PKHD1: variants seen among roughly 807,000 people sequenced by gnomAD.
The protein encoded by PKHD1 is fibrocystin.
A neutral mutation model predicts 412.0 loss-of-function variants in PKHD1; 291 were observed. The observed-to-expected ratio is 0.71, with a 90% CI of 0.64 to 0.78. PKHD1 has a LOEUF of 0.78. Ranked by LOEUF, PKHD1 falls within the 30% of genes least tolerant of loss-of-function variation. The pLI is 0.00. For synonymous variants in PKHD1, 1,777 were observed against 1,821.5 expected (o/e 0.98, Z 0.62); for missense variants, 4,825 against 4,950.7 (o/e 0.97, Z 0.76).
intron 53 of PKHD1, among the ~76,000 whole-genome samples, chr6:51,784,592 A>G (rs1258362360): frequency 1.6e-4 from 24 of 152,204 alleles, no homozygotes; most frequent in Admixed American, 1.6e-3. Flanking sequence ...TGTTAAAGCC[A>G]TACTCAAGAG....
rs541174264 is a variant in PKHD1 at position 51,997,132 on chromosome 6, T to A, written c.5751+13177A>T. ...TGAACTGTGCTCATGAAAGACCCTTTCATTCCCATGTGATACGAATAGGAA... is the reference window on the plus strand; with the variant it reads ...TGAACTGTGCTCATGAAAGACCCTTACATTCCCATGTGATACGAATAGGAA... On this transcript the variant is annotated intron_variant, in intron 35 of 66. Transcript: ENST00000371117. 3.3e-5 allele frequency among the ~76,000 whole-genome samples: 5 copies of A among 152,328 alleles called. No homozygotes were observed. The East Asian group carries it at 9.6e-4, about 29-fold the overall frequency.
intron 64 of PKHD1, among the ~76,000 whole-genome samples, chr6:51,636,049 T>C (rs368519905): frequency 2.0e-5 from 3 of 152,122 alleles, no homozygotes; most frequent in African/African-American, 7.2e-5. Flanking sequence ...ACTACAAACT[T>C]ACAGAAACCC....
intron 50 of PKHD1, among the ~76,000 whole-genome samples, chr6:51,837,357 C>T (rs1490283284): frequency 2.0e-5 from 3 of 152,162 alleles, no homozygotes; most frequent in Non-Finnish European, 2.9e-5. Flanking sequence ...TTTCCTGGAA[C>T]CCTAAACCCT....
intron 37 of PKHD1, among the ~76,000 whole-genome samples, chr6:51,933,829 G>A (rs1270236540): frequency 2.6e-5 from 4 of 152,164 alleles, no homozygotes; most frequent in East Asian, 1.9e-4. Flanking sequence ...CAAAGGGGCC[G>A]GGAAGTATGG....
At chr6:51,709,612 C>T (rs549877034) in intron 60 of PKHD1, among the ~76,000 whole-genome samples, 1 of 152,246 alleles carries the variant, frequency 6.6e-6, no homozygotes, top group South Asian at 2.1e-4. Context: ...ACATACTGTT[C>T]AGAATCCAGA....
Position 52,076,259 on chromosome 6 carries a change from A to T in PKHD1, c.448+17T>A. On this transcript the variant is annotated intron_variant, in intron 6 of 66. Coordinates refer to ENST00000371117, the MANE Select transcript of PKHD1 (RefSeq NM_138694.4). ...ACAGATTCACAATTATTCCTATTTT[A>T]ATAGAAGATTTCTTACCTGGAACAC... 2 of 1,568,720 alleles carry T rather than the reference A, an allele frequency of 1.3e-6. No homozygotes were observed. Among genetic ancestry groups the T allele is most frequent in the South Asian group, 2.2e-5 (2 of 90,282 alleles).
intron 63 of PKHD1, among the ~76,000 whole-genome samples, chr6:51,642,528 T>A (rs1014585091): frequency 6.6e-6 from 1 of 152,064 alleles, no homozygotes; most frequent in African/African-American, 2.4e-5. Context: ...GTATGAAGTA[T>A]GGCAAGGTAA....
At chr6:51,803,141 T>C (rs985168186) in intron 52 of PKHD1, among the ~76,000 whole-genome samples, 1 of 151,496 alleles carries the variant, frequency 6.6e-6, no homozygotes, top group Non-Finnish European at 1.5e-5. Flanking sequence ...CCTAAATTAA[T>C]AAAGTGCTTA....
chr6:51,784,335 C>A (rs1195251933), intron 53 of PKHD1, among the ~76,000 whole-genome samples: 1 of 152,200 alleles, frequency 6.6e-6, no homozygotes. Context: ...ATAGCTAAAA[C>A]AGCCATTTGT....
chr6:51,649,171 C>T lies in PKHD1; in HGVS notation c.11224G>A (p.Ala3742Thr), dbSNP rs557211301. The change falls in exon 62 of 67, where the codon GCA (alanine) becomes ACA (threonine). Residue 3742 changes from alanine (A) to threonine (T), a missense_variant. Coordinates refer to ENST00000371117, the MANE Select transcript of PKHD1 (RefSeq NM_138694.4). ...GAAGGCTGGACTAGGATGGAAAGTGCATAGGGCCGAATATATATCAAGTTC... is the reference window on the plus strand; with the variant it reads ...GAAGGCTGGACTAGGATGGAAAGTGTATAGGGCCGAATATATATCAAGTTC... ...TGNLIYIRPY[A>T]LSILVQPSDG... 441 of 1,611,450 alleles carry T rather than the reference C, an allele frequency of 2.7e-4. 8 individuals carry two copies. In the South Asian group the frequency reaches 4.4e-3, roughly 16 times the overall value.
At chr6:52,065,497 C>T (rs1809553792) in intron 12 of PKHD1, among the ~76,000 whole-genome samples, 1 of 152,032 alleles carries the variant, frequency 6.6e-6, no homozygotes, top group Non-Finnish European at 1.5e-5. Flanking sequence ...ACAGAGGCAT[C>T]CCACCTGCTA....
chr6:51,745,885 A>T (rs182895450), intron 59 of PKHD1, among the ~76,000 whole-genome samples: 2 of 152,116 alleles, frequency 1.3e-5, no homozygotes, highest in Admixed American at 1.3e-4. Flanking sequence ...CAAATTGCCT[A>T]CCTACTCATG....
intron 43 of PKHD1, among the ~76,000 whole-genome samples, chr6:51,894,774 C>T (rs1779631913): frequency 6.6e-6 from 1 of 152,202 alleles, no homozygotes; most frequent in Admixed American, 6.5e-5. Flanking sequence ...TAAATAAATA[C>T]ATTTGTTTAA....
At chr6:51,719,802 G>T (rs888770608) in intron 60 of PKHD1, among the ~76,000 whole-genome samples, 1 of 152,064 alleles carries the variant, frequency 6.6e-6, no homozygotes, top group African/African-American at 2.4e-5. Flanking sequence ...AACAAAGCAA[G>T]GTCTGGCAGC....
chr6:51,807,812 A>G (rs12206227), intron 52 of PKHD1, among the ~76,000 whole-genome samples: 10,267 of 152,136 alleles, frequency 0.067, 501 homozygotes, highest in Middle Eastern at 0.16. Context: ...AACATCATGC[A>G]GGGTGAGAAA....
intron 61 of PKHD1, among the ~76,000 whole-genome samples, chr6:51,654,435 G>A (rs116400290): frequency 0.011 from 1,632 of 151,946 alleles, 32 homozygotes; most frequent in African/African-American, 0.037. Context: ...ATAGCTGTTC[G>A]GTTAACACTG....
chr6:52,014,694 C>A (rs1800258355), intron 34 of PKHD1, among the ~76,000 whole-genome samples: 1 of 121,584 alleles, frequency 8.2e-6, no homozygotes, highest in African/African-American at 3.4e-5. Flanking sequence ...GATGAATATA[C>A]TGGATAGATG....
intron 22 of PKHD1, 127 bp from the exon 23 acceptor site, chr6:52,048,746 A>C: frequency 9.3e-7 from 1 of 1,080,464 alleles, no homozygotes; most frequent in Non-Finnish European, 1.4e-6. Flanking sequence ...GACCTGAGGA[A>C]ACTCAGTAAG....
rs552965110 is a variant in PKHD1, at chr6:51,868,490, A to G, written c.7487-381T>C. Among the ~76,000 whole-genome samples the G allele has an allele frequency of 5.3e-5, 8 of 152,302 alleles. No individual in the cohort carries two copies. In the East Asian group the frequency reaches 1.5e-3, roughly 29 times the overall value. On this transcript the variant is annotated intron_variant, in intron 47 of 66. Transcript: ENST00000371117. ...TACTGGCAGCTAGTAGGTAGAAACCAGAGATGCTGCTAAATATCCTACAAT... is the reference window on the plus strand; with the variant it reads ...TACTGGCAGCTAGTAGGTAGAAACCGGAGATGCTGCTAAATATCCTACAAT...
Sources: allele counts gnomAD v4.1 joint callset (sites outside exome capture counted in the v4.1 genomes callset), GRCh38; gene constraint gnomAD v4.1.1; transcripts MANE v1.5; gene names NCBI Gene and HGNC (gene_info 2026-07-23, HGNC 2026-07-21).